CNN3: variants seen among roughly 807,000 people sequenced by gnomAD.
The protein encoded by CNN3 is calponin 3.
CNN3 carries 11 observed loss-of-function variants against 39.0 expected under a neutral mutation model. That is an observed-to-expected ratio of 0.28 (90% CI 0.18 to 0.47). The LOEUF (loss-of-function observed/expected upper bound fraction) is 0.47. CNN3 is among the 20% of genes least tolerant of loss of function. The pLI is 0.99. For missense variants in CNN3, 266 were observed against 403.4 expected, an observed-to-expected ratio of 0.66 and a Z score of 2.92; for synonymous variants, 101 against 138.3, an observed-to-expected ratio of 0.73 and a Z score of 1.89.
Position 94,906,262 on chromosome 1 carries a change from C to T in CNN3, c.58-2738G>A, listed in dbSNP as rs551253151. Among the ~76,000 whole-genome samples, 5 of 152,274 alleles carry T rather than the reference C, an allele frequency of 3.3e-5. No homozygotes were observed. The South Asian group carries it at 6.2e-4, about 19-fold the overall frequency. The stretch of plus-strand genomic sequence containing the variant: ...CCTCCCAAAGTGCTGAGATTAAAGG[C>T]GTGAGCCACTGCGTCCAGCCGATAG... On this transcript the variant is annotated intron_variant, in intron 1 of 6. Transcript: ENST00000370206.
rs1265705493 is a variant in CNN3, at chr1:94,896,965, C to A, written c.*777G>T. The A allele has an allele frequency of 6.6e-6, 1 of 151,002 alleles. No homozygotes were observed. The highest frequency in any genetic ancestry group is 1.5e-5 in the Non-Finnish European group (1 of 67,772). 9.4% of individuals were successfully genotyped at this position (151,002 alleles called of 1,614,324 possible). A position where few individuals can be genotyped will look rare whatever the true frequency, so the allele number is the denominator to read the frequency against. ...TCAGCCTGTGGTTCATATGAAAGTT[C>A]AAAAAAAATATTTATTTATAAAAAA... On this transcript the variant is annotated 3_prime_UTR_variant, in exon 7 of 7. Coordinates refer to ENST00000370206, the MANE Select transcript of CNN3 (RefSeq NM_001839.5).
intron 1 of CNN3, among the ~76,000 whole-genome samples, chr1:94,909,086 G>T (rs1457210950): frequency 6.6e-6 from 1 of 152,050 alleles, no homozygotes; most frequent in Non-Finnish European, 1.5e-5. Context: ...GTTCCAGGTT[G>T]CAGTGACTGA....
At position 94,896,974 on chromosome 1, in the gene CNN3, T is replaced by A. The variant is rs1670738876; in HGVS notation, c.*768A>T. ...GGTTCATATGAAAGTTCAAAAAAAA[T>A]ATTTATTTATAAAAAATACAATGGG... On this transcript the variant is annotated 3_prime_UTR_variant, in exon 7 of 7. Coordinates refer to ENST00000370206, the MANE Select transcript of CNN3 (RefSeq NM_001839.5). The A allele has an allele frequency of 6.6e-6, 1 of 152,110 alleles. No individual in the cohort carries two copies. The highest frequency in any genetic ancestry group is 2.4e-5 in the African/African-American group (1 of 41,412). 9.4% of individuals were successfully genotyped at this position (152,110 alleles called of 1,614,324 possible). A position where few individuals can be genotyped will look rare whatever the true frequency, so the allele number is the denominator to read the frequency against.
intron 1 of CNN3, among the ~76,000 whole-genome samples, chr1:94,914,658 T>G (rs2101733335): frequency 6.6e-6 from 1 of 152,310 alleles, no homozygotes; most frequent in South Asian, 2.1e-4. Flanking sequence ...CAGGTCTAGA[T>G]CTCAGATTGC....
chr1:94,923,834 T>C (rs1671509464), intron 1 of CNN3, among the ~76,000 whole-genome samples: 2 of 152,210 alleles, frequency 1.3e-5, no homozygotes, highest in African/African-American at 2.4e-5. Flanking sequence ...GAGTTGAGTA[T>C]AAGCCAGACA....
At chr1:94,906,794 G>C (rs528588293) in intron 1 of CNN3, among the ~76,000 whole-genome samples, 1 of 152,330 alleles carries the variant, frequency 6.6e-6, no homozygotes, top group African/African-American at 2.4e-5. Flanking sequence ...TCACAGGATG[G>C]TGATGGTAAT....
At chr1:94,912,692 C>T (rs764389994) in intron 1 of CNN3, among the ~76,000 whole-genome samples, 2 of 152,214 alleles carry the variant, frequency 1.3e-5, no homozygotes, top group Non-Finnish European at 2.9e-5. Context: ...ACAGGATTAC[C>T]AGCCTAGGGA....
chr1:94,909,924 A>G (rs1264634094), intron 1 of CNN3, among the ~76,000 whole-genome samples: 1 of 152,052 alleles, frequency 6.6e-6, no homozygotes, highest in African/African-American at 2.4e-5. Context: ...ATGTACAAGA[A>G]CTGTCTGATG....
At chr1:94,908,105 G>C (rs1295562735) in intron 1 of CNN3, among the ~76,000 whole-genome samples, 1 of 152,122 alleles carries the variant, frequency 6.6e-6, no homozygotes, top group Non-Finnish European at 1.5e-5. Context: ...ACTTACAAAT[G>C]ATCCAGAGAC....
Sources: gnomAD v4.1 joint callset for allele counts (sites outside exome capture counted in the v4.1 genomes callset) on GRCh38, gnomAD v4.1.1 for gene constraint, MANE v1.5 for transcripts, NCBI Gene and HGNC (gene_info 2026-07-23, HGNC 2026-07-21) for gene names.